COL5A1: variants seen among roughly 807,000 people sequenced by gnomAD.
COL5A1 encodes collagen type V alpha 1 chain.
A neutral mutation model predicts 263.7 loss-of-function variants in COL5A1; 16 were observed. The observed-to-expected ratio is 0.06, with a 90% CI of 0.04 to 0.09. The LOEUF (loss-of-function observed/expected upper bound fraction) is 0.09. Among genes scored for constraint, COL5A1 ranks in the 10% least tolerant of loss-of-function variants. The pLI, the probability that COL5A1 is intolerant of heterozygous loss-of-function variation, is 1.00. For synonymous variants in COL5A1, 1,012 were observed against 1,004.5 expected (o/e 1.01, Z -0.14); for missense variants, 2,036 against 2,540.5 (o/e 0.80, Z 4.27).
chr9:134,744,883 CTGCACACACACT>C (rs113343441), intron 11 of COL5A1, among the ~76,000 whole-genome samples: 4,756 of 152,024 alleles, frequency 0.031, 239 homozygotes, highest in African/African-American at 0.1. Context: ...ACTCACACAC[CTGCACACACACT>C]CATGCACATA....
intron 11 of COL5A1, among the ~76,000 whole-genome samples, chr9:134,748,310 GAT>G (rs905315953): frequency 6.7e-6 from 1 of 148,402 alleles, no homozygotes; most frequent in Non-Finnish European, 1.5e-5. Flanking sequence ...CACATGCATT[GAT>G]AGTCACATAC....
chr9:134,686,576 C>T lies in COL5A1; in HGVS notation c.110-4336C>T, dbSNP rs1364354980. Reference sequence around the variant, plus strand: ...CATCAAATTCTTTTCAGTCACCTCCCTTCTTCCTTAAAACTGACCTTGCTG... The same window carrying T: ...CATCAAATTCTTTTCAGTCACCTCCTTTCTTCCTTAAAACTGACCTTGCTG... On this transcript the variant is annotated intron_variant, in intron 1 of 65. Transcript: ENST00000371817. The surrounding 1 kb of genome is among the most constrained non-coding windows in gnomAD (Gnocchi z 4.6). Among the ~76,000 whole-genome samples, 1 of 152,164 alleles carries T rather than the reference C, an allele frequency of 6.6e-6. No individual in the cohort carries two copies. The highest frequency in any genetic ancestry group is 1.5e-5 in the Non-Finnish European group (1 of 68,026).
intron 1 of COL5A1, among the ~76,000 whole-genome samples, chr9:134,679,407 G>A (rs1305879312): frequency 1.6e-5 from 2 of 127,322 alleles, no homozygotes; most frequent in African/African-American, 3.0e-5. Flanking sequence ...GGCTTCTTAG[G>A]GGGCACTGTG....
In COL5A1 at chr9:134,802,962, G is replaced by T. The variant is rs775626575; in HGVS notation, c.3081G>T (p.Gly1027=). ...PGPPGPPGEQ[G]LPGLAGKEGT... ...CCCCTGGACCCCCCGGTGAACAGGG[G>T]CTTCCGGGCCTTGCTGGAAAAGAAG... is the stretch of plus-strand genomic sequence containing the variant. The change falls in exon 39 of 66, where the codon GGG becomes GGT. Residue 1027 remains glycine, a synonymous_variant. Coordinates refer to ENST00000371817, the MANE Select transcript of COL5A1 (RefSeq NM_000093.5). 1 of 1,609,442 alleles carries T rather than the reference G, an allele frequency of 6.2e-7. No homozygotes were observed. The highest frequency in any genetic ancestry group is 1.1e-5 in the South Asian group (1 of 90,042).
chr9:134,750,567 C>A lies in COL5A1; in HGVS notation c.1520C>A (p.Pro507His). The A allele has an allele frequency of 6.2e-7, 1 of 1,613,624 alleles. No homozygotes were observed. Among genetic ancestry groups the A allele is most frequent in the South Asian group, 1.1e-5 (1 of 91,090 alleles). The change falls in exon 12 of 66, where the codon CCT (proline) becomes CAT (histidine). Residue 507 changes from proline to histidine, a missense_variant. Pro to His is a moderately conservative substitution (Grantham distance 77, BLOSUM62 -2). This residue lies in a region of COL5A1 where 1,078 missense variants were observed against 1,521.4 expected (regional missense o/e 0.71). Coordinates refer to ENST00000371817, the MANE Select transcript of COL5A1 (RefSeq NM_000093.5). ...ERGPPGRPGL[P>H]GADGLPGPPG... The stretch of plus-strand genomic sequence containing the variant: ...GGCCCCCCTGGACGCCCAGGCCTTC[C>A]TGGGGCCGATGGCCTGCCCGGTCCT...
intron 41 of COL5A1, among the ~76,000 whole-genome samples, 190 bp from the exon 42 acceptor site, chr9:134,805,999 G>A (rs1046260586): frequency 2.0e-5 from 3 of 152,186 alleles, no homozygotes; most frequent in Non-Finnish European, 4.4e-5. Flanking sequence ...GCACCTGGGA[G>A]CTTGGAGTTA....
intron 4 of COL5A1, among the ~76,000 whole-genome samples, chr9:134,707,088 G>A (rs550309783): frequency 4.7e-4 from 72 of 152,262 alleles, no homozygotes; most frequent in East Asian, 9.7e-4. Flanking sequence ...GGGGGCCTGG[G>A]GTGCCTCTGC....
intron 11 of COL5A1, among the ~76,000 whole-genome samples, chr9:134,739,107 C>T (rs1434325529): frequency 1.3e-5 from 2 of 152,266 alleles, no homozygotes; most frequent in Non-Finnish European, 2.9e-5. Flanking sequence ...GCAGTAACCA[C>T]AGCAGATGGC....
chr9:134,767,590 T>C (rs538081189), intron 24 of COL5A1, among the ~76,000 whole-genome samples: 2 of 152,078 alleles, frequency 1.3e-5, no homozygotes, highest in Non-Finnish European at 2.9e-5. Context: ...TGTATAGGGG[T>C]TGCTGGATTT....
intron 20 of COL5A1, among the ~76,000 whole-genome samples, chr9:134,764,394 C>T (rs1836583775): frequency 8.8e-6 from 1 of 113,822 alleles, no homozygotes; most frequent in Non-Finnish European, 1.7e-5. Context: ...CGGGGCAGCA[C>T]AGTGGCATCC....
chr9:134,717,565 G>A (rs940636066), intron 4 of COL5A1, among the ~76,000 whole-genome samples: 2 of 152,182 alleles, frequency 1.3e-5, no homozygotes, highest in African/African-American at 2.4e-5. Flanking sequence ...CCCAGTCAGC[G>A]TGTTAACTCA....
chr9:134,781,240 T>C (rs1837242141), intron 28 of COL5A1, among the ~76,000 whole-genome samples: 1 of 152,242 alleles, frequency 6.6e-6, no homozygotes, highest in Non-Finnish European at 1.5e-5. Flanking sequence ...CTGGTTTCTG[T>C]TCTTAGTGTC....
At position 134,766,392 on chromosome 9, in the gene COL5A1, C is replaced by T. The variant is rs748770115; in HGVS notation, c.2089-62C>T. 1.5e-4 allele frequency: 233 copies of T among 1,542,876 alleles called. No individual in the cohort carries two copies. Among genetic ancestry groups the T allele is most frequent in the Middle Eastern group, 6.7e-4 (4 of 5,934 alleles). ...GAGCTGAGTTGAGTGGGATTTTCCT[C>T]TTGAGCACTGTGAGTTCTTTCGCAT... is the stretch of plus-strand genomic sequence containing the variant. On this transcript the variant is annotated intron_variant, in intron 21 of 65. Coordinates refer to ENST00000371817, the MANE Select transcript of COL5A1 (RefSeq NM_000093.5).
At chr9:134,711,970 C>A (rs1227492977) in intron 4 of COL5A1, among the ~76,000 whole-genome samples, 1 of 149,684 alleles carries the variant, frequency 6.7e-6, no homozygotes, top group Non-Finnish European at 1.5e-5. Context: ...CCCCCTTTAC[C>A]CTGGCCCCCT....
In COL5A1 at chr9:134,732,035, C is replaced by G. The variant is rs202213354; in HGVS notation, c.1333-36C>G. 4.7e-5 allele frequency: 76 copies of G among 1,611,318 alleles called. No individual in the cohort carries two copies. In the African/African-American group the frequency reaches 8.7e-4, roughly 18 times the overall value. ...TGGACTTTCTTTCTCACTTTTCTCTCTGATTCTCTTTCCATCTGCCTTTTA... is the reference window on the plus strand; with the variant it reads ...TGGACTTTCTTTCTCACTTTTCTCTGTGATTCTCTTTCCATCTGCCTTTTA... On this transcript the variant is annotated intron_variant, in intron 8 of 65. Transcript: ENST00000371817.
intron 4 of COL5A1, among the ~76,000 whole-genome samples, chr9:134,713,454 G>A (rs1834139478): frequency 2.0e-5 from 3 of 152,222 alleles, no homozygotes; most frequent in Admixed American, 6.5e-5. Context: ...AGTTGCATCT[G>A]TCACTGTCCC....
chr9:134,670,386 C>T (rs1212231115), intron 1 of COL5A1, among the ~76,000 whole-genome samples: 2 of 152,212 alleles, frequency 1.3e-5, no homozygotes, highest in East Asian at 3.8e-4. Context: ...GTCACCTGAG[C>T]AACTGTGCCC....
chr9:134,728,761 G>C lies in COL5A1; in HGVS notation c.878G>C (p.Ser293Thr). The change falls in exon 6 of 66, where the codon AGC becomes ACC. Residue 293 changes from serine to threonine, a missense_variant. By Grantham distance (58) the Ser-to-Thr change is moderately conservative. Around this residue, in one of 3 missense-constraint regions of COL5A1, gnomAD observed 600 missense variants for 634.5 expected, o/e 0.95. Transcript: ENST00000371817. ...GACCTAGGGAAGGAGCCCACCCCCA[G>C]CAAGAAGCCCGTGGAAGCTGCCAAA... is the stretch of plus-strand genomic sequence containing the variant. ...PEDLGKEPTPSKKPVEAAKET... is the reference protein window; with the variant it reads ...PEDLGKEPTPTKKPVEAAKET... 1 of 1,614,216 alleles carries C rather than the reference G, an allele frequency of 6.2e-7. No individual in the cohort carries two copies. The highest frequency in any genetic ancestry group is 8.5e-7 in the Non-Finnish European group (1 of 1,180,040).
rs1221472388 is a variant in COL5A1, at chr9:134,812,728, G to C, written c.3852+16G>C. 2 of 1,508,752 alleles carry C rather than the reference G, an allele frequency of 1.3e-6. No homozygotes were observed. Among genetic ancestry groups the C allele is most frequent in the Non-Finnish European group, 1.8e-6 (2 of 1,105,776 alleles). 93.5% of individuals were successfully genotyped at this position (1,508,752 alleles called of 1,614,324 possible). A position where few individuals can be genotyped will look rare whatever the true frequency, so the allele number is the denominator to read the frequency against. On this transcript the variant is annotated intron_variant, in intron 48 of 65. Coordinates refer to ENST00000371817, the MANE Select transcript of COL5A1 (RefSeq NM_000093.5). ...GGGAGAGAAGGTGAGGCTCGTGCCT[G>C]CTCTGGTGGCAGATTTGCGGTTGTT...
Sources: gnomAD v4.1 joint callset for allele counts (sites outside exome capture counted in the v4.1 genomes callset) on GRCh38, gnomAD v4.1.1 for gene constraint, gnomAD v4.1.1 regional missense constraint, Gnocchi (gnomAD v3.1) non-coding constraint, MANE v1.5 for transcripts, NCBI Gene and HGNC (gene_info 2026-07-23, HGNC 2026-07-21) for gene names.